The following ZNF17 variants were observed in gnomAD, a reference collection of about 807,000 sequenced individuals.
ZNF17 encodes zinc finger protein 17, also known as zinc finger protein 17 (HPF3, KOX 10).
In ZNF17, 4 loss-of-function variants were observed where a neutral mutation model predicts 7.7. The observed-to-expected ratio is 0.52, with a 90% CI of 0.26 to 1.20. The LOEUF (loss-of-function observed/expected upper bound fraction) is 1.20. Ranked by LOEUF, ZNF17 falls within the 50% of genes most tolerant of loss-of-function variation. The probability of loss-of-function intolerance (pLI) is 0.14; values close to 1 mark genes in which losing one functional copy is unlikely to be tolerated. For synonymous variants in ZNF17, 249 were observed against 258.8 expected (o/e 0.96, Z 0.36); for missense variants, 738 against 799.5 (o/e 0.92, Z 0.93).
At chr19:57,416,807 C>G (rs1467923768) in intron 2 of ZNF17, among the ~76,000 whole-genome samples, 1 of 152,228 alleles carries the variant, frequency 6.6e-6, no homozygotes, top group East Asian at 1.9e-4. Flanking sequence ...CATGCCCGGC[C>G]ATGTGCCAGG....
rs753192304 is a variant in ZNF17 at position 57,420,381 on chromosome 19, A to G, written c.895A>G (p.Thr299Ala). 15 of 1,614,172 alleles carry G rather than the reference A, an allele frequency of 9.3e-6. No individual in the cohort carries two copies. Among genetic ancestry groups the G allele is most frequent in the East Asian group, 2.2e-5 (1 of 44,882 alleles). The change falls in exon 4 of 4, where the codon ACC becomes GCC. Residue 299 changes from threonine (T) to alanine (A), a missense_variant. Coordinates refer to ENST00000307658, the MANE Select transcript of ZNF17 (RefSeq NM_001330617.2). Reference protein sequence around the residue: ...SHLLQHQRIHTRPRPYVCSEC... With the variant: ...SHLLQHQRIHARPRPYVCSEC... The stretch of plus-strand genomic sequence containing the variant: ...CCTACTTCAGCACCAGAGGATTCAC[A>G]CCAGGCCAAGGCCTTATGTGTGTAG...
In ZNF17 at chr19:57,421,318, C is replaced by T. The variant is rs762440765; in HGVS notation, c.1832C>T (p.Pro611Leu). Residue 611 changes from proline (P) to leucine (L), a missense_variant, in exon 4 of 4, where the codon CCT (proline) becomes CTT (leucine). Pro to Leu is a moderately conservative substitution (Grantham distance 98). Transcript: ENST00000307658. ...SHERVHTGEK[P>L]YECSECGKVF... Reference sequence around the variant, plus strand: ...GAGAGAGTTCATACTGGAGAAAAGCCTTATGAGTGCAGTGAATGTGGGAAA... The same window carrying T: ...GAGAGAGTTCATACTGGAGAAAAGCTTTATGAGTGCAGTGAATGTGGGAAA... 2 of 1,614,128 alleles carry T rather than the reference C, an allele frequency of 1.2e-6. No homozygotes were observed. Among genetic ancestry groups the T allele is most frequent in the South Asian group, 1.1e-5 (1 of 91,076 alleles).
chr19:57,411,457 A>G, intron 1 of ZNF17, 51 bp downstream of exon 1: 2 of 1,599,602 alleles, frequency 1.3e-6, no homozygotes, highest in Non-Finnish European at 1.7e-6. Flanking sequence ...CCGAGTGCCG[A>G]AGCCCCGAGG....
rs1393421260 is a variant in ZNF17, at chr19:57,411,215, G to T, written c.-212G>T. 3.5e-6 allele frequency: 3 copies of T among 856,556 alleles called. No homozygotes were observed. Among genetic ancestry groups the T allele is most frequent in the East Asian group, 5.5e-5 (2 of 36,434 alleles). The allele number at this position is 856,556 out of a possible 1,614,324, so 53.1% of individuals were successfully genotyped here. A position where few individuals can be genotyped will look rare whatever the true frequency, so the allele number is the denominator to read the frequency against. On this transcript the variant is annotated 5_prime_UTR_variant, in exon 1 of 4. Coordinates refer to ENST00000307658, the MANE Select transcript of ZNF17 (RefSeq NM_001330617.2). ...TGCGTTGGGATCTGTTCACCTTCAG[G>T]CTGAGTCGAGACTGAGGTGAAAAAG...
At chr19:57,417,653 C>A (rs1437049074) in intron 2 of ZNF17, among the ~76,000 whole-genome samples, 1 of 151,870 alleles carries the variant, frequency 6.6e-6, no homozygotes, top group African/African-American at 2.4e-5. Flanking sequence ...TCTAGACCAG[C>A]CTGAACAACA....
At chr19:57,414,780 G>C (rs989883711) in intron 2 of ZNF17, among the ~76,000 whole-genome samples, 1 of 150,248 alleles carries the variant, frequency 6.7e-6, no homozygotes, top group South Asian at 2.1e-4. Flanking sequence ...GCGTGAACTC[G>C]GCTCACTGCA....
chr19:57,421,435 A>C lies in ZNF17; in HGVS notation c.1949A>C (p.Asn650Thr). The change falls in exon 4 of 4, where the codon AAC (asparagine) becomes ACC (threonine). Residue 650 changes from asparagine (N) to threonine (T), a missense_variant. By Grantham distance (65) the Asn-to-Thr change is moderately conservative. Transcript: ENST00000307658. ...TGCAGTGAATGTGGAAGAGTCTTTA[A>C]CCAAAATTCTCATCTCATTCAGCAC... is the stretch of plus-strand genomic sequence containing the variant. ...YQCSECGRVF[N>T]QNSHLIQHQK... 1 of 1,612,612 alleles carries C rather than the reference A, an allele frequency of 6.2e-7. No homozygotes were observed. The highest frequency in any genetic ancestry group is 1.7e-5 in the Admixed American group (1 of 59,740).
chr19:57,412,317 T>C (rs1363444393), intron 1 of ZNF17, among the ~76,000 whole-genome samples: 1 of 152,164 alleles, frequency 6.6e-6, no homozygotes, highest in Non-Finnish European at 1.5e-5. Context: ...TTCTCACATC[T>C]AGTCAAGGGC....
At position 57,420,317 on chromosome 19, in the gene ZNF17, G is replaced by A. The variant is rs1267247437; in HGVS notation, c.831G>A (p.Glu277=). Residue 277 remains glutamate (E), a synonymous_variant, in exon 4 of 4, where the codon GAG becomes GAA. Transcript: ENST00000307658. ...QKIHTGERPY[E]CSECGKAFLR... is the part of the protein sequence containing the mutation. ...TTCACACTGGAGAAAGGCCTTATGA[G>A]TGCAGTGAATGTGGGAAAGCTTTTC... The A allele has an allele frequency of 6.2e-7, 1 of 1,613,196 alleles. No homozygotes were observed. The highest frequency in any genetic ancestry group is 8.5e-7 in the Non-Finnish European group (1 of 1,179,796).
intron 3 of ZNF17, chr19:57,419,376 G>A (rs762902419): frequency 5.3e-6 from 2 of 376,058 alleles, no homozygotes; most frequent in Non-Finnish European, 9.7e-6. Flanking sequence ...GCCATTCACT[G>A]AGGAGTAACT....
At position 57,420,546 on chromosome 19, in the gene ZNF17, C is replaced by T. The variant is rs1568539302; in HGVS notation, c.1060C>T (p.His354Tyr). The T allele has an allele frequency of 2.5e-6, 4 of 1,614,132 alleles. No individual in the cohort carries two copies. Among genetic ancestry groups the T allele is most frequent in the East Asian group, 2.2e-5 (1 of 44,888 alleles). The change falls in exon 4 of 4, where the codon CAC (histidine) becomes TAC (tyrosine). Residue 354 changes from histidine (H) to tyrosine (Y), a missense_variant. Around this residue, in one of 3 missense-constraint regions of ZNF17, gnomAD observed 616 missense variants for 663.9 expected, o/e 0.93. Coordinates refer to ENST00000307658, the MANE Select transcript of ZNF17 (RefSeq NM_001330617.2). The part of the protein sequence containing the change: ...SSALIRHQKV[H>Y]TGERPFYCCE... ...AGCACTCATTAGACATCAGAAAGTT[C>T]ACACTGGAGAAAGGCCTTTTTATTG...
intron 2 of ZNF17, among the ~76,000 whole-genome samples, chr19:57,417,227 C>T (rs8110779): frequency 0.26 from 38,921 of 151,930 alleles, 5,239 homozygotes; most frequent in African/African-American, 0.3. Flanking sequence ...GGTCAGGTGG[C>T]AGATGCACAG....
At chr19:57,417,872 A>G (rs1478605494) in intron 2 of ZNF17, 40 bp from the exon 3 acceptor site, 2 of 1,587,460 alleles carry the variant, frequency 1.3e-6, no homozygotes, top group Non-Finnish European at 1.7e-6. Context: ...AGAAAGAAAA[A>G]AAAAGTTGCT....
chr19:57,411,500 A>C, intron 1 of ZNF17, 94 bp downstream of exon 1: 1 of 1,532,052 alleles, frequency 6.5e-7, no homozygotes, highest in Non-Finnish European at 8.7e-7. Context: ...CTGTGTCCCA[A>C]AGAGAGGAGC....
Position 57,411,365 on chromosome 19 carries a change from C to T in ZNF17, c.-62C>T. On this transcript the variant is annotated 5_prime_UTR_variant, in exon 1 of 4. Transcript: ENST00000307658. Reference sequence around the variant, plus strand: ...ACTGCCGCTCCCGCCCCGCTCTTCCCTGGCTGTGCTGGCGGAGGCTGCGCC... The same window carrying T: ...ACTGCCGCTCCCGCCCCGCTCTTCCTTGGCTGTGCTGGCGGAGGCTGCGCC... 6.2e-7 allele frequency: 1 copy of T among 1,612,464 alleles called. No individual in the cohort carries two copies. Among genetic ancestry groups the T allele is most frequent in the Non-Finnish European group, 8.5e-7 (1 of 1,179,284 alleles).
intron 2 of ZNF17, among the ~76,000 whole-genome samples, chr19:57,414,554 C>T (rs1335671953): frequency 4.0e-5 from 6 of 151,866 alleles, no homozygotes; most frequent in East Asian, 1.9e-4. Flanking sequence ...AGGCTGGTCT[C>T]GAACTCCTGG....
chr19:57,416,827 C>T (rs533026894), intron 2 of ZNF17, among the ~76,000 whole-genome samples: 10 of 152,142 alleles, frequency 6.6e-5, no homozygotes, highest in South Asian at 2.1e-4. Context: ...GTTTTGATGG[C>T]GCTTTTCAGT....
At chr19:57,416,426 G>A (rs931281902) in intron 2 of ZNF17, among the ~76,000 whole-genome samples, 3 of 152,088 alleles carry the variant, frequency 2.0e-5, no homozygotes, top group Non-Finnish European at 4.4e-5. Flanking sequence ...TCCAAGTTTG[G>A]TTATCTGAGA....
intron 2 of ZNF17, among the ~76,000 whole-genome samples, chr19:57,416,451 G>A (rs1464682764): frequency 6.6e-6 from 1 of 152,120 alleles, no homozygotes; most frequent in Non-Finnish European, 1.5e-5. Context: ...AGATCTGGGT[G>A]ACTCTAGGGA....
Sources: allele counts gnomAD v4.1 joint callset (sites outside exome capture counted in the v4.1 genomes callset), GRCh38; gene constraint gnomAD v4.1.1; regional missense constraint gnomAD v4.1.1; transcripts MANE v1.5; gene names NCBI Gene and HGNC (gene_info 2026-07-23, HGNC 2026-07-21).